The following NRG3 variants were observed in gnomAD, a reference collection of about 807,000 sequenced individuals.
The protein encoded by NRG3 is neuregulin 3, also known as pro-neuregulin-3, membrane-bound isoform.
A neutral mutation model predicts 66.9 loss-of-function variants in NRG3; 31 were observed. The observed-to-expected ratio is 0.46, with a 90% CI of 0.35 to 0.63. The LOEUF (loss-of-function observed/expected upper bound fraction) is 0.63, where lower values mean the gene tolerates loss of function less well. Ranked by LOEUF, NRG3 falls within the 20% of genes least tolerant of loss-of-function variation. The pLI is 0.00. For synonymous variants in NRG3, 393 were observed against 359.4 expected (o/e 1.09, Z -1.06); for missense variants, 910 against 878.9 (o/e 1.04, Z -0.45).
intron 1 of NRG3, among the ~76,000 whole-genome samples, chr10:81,877,496 C>G (rs1196029959): frequency 3.3e-5 from 5 of 152,124 alleles, no homozygotes; most frequent in African/African-American, 9.7e-5. Context: ...ACTGGGTTTG[C>G]TTTCAGTCAT....
At chr10:82,846,091 A>T (rs1430534752) in intron 3 of NRG3, among the ~76,000 whole-genome samples, 1 of 152,134 alleles carries the variant, frequency 6.6e-6, no homozygotes. Context: ...TAGTATTTTC[A>T]TCCTGTTTCA....
At chr10:82,070,077 T>C (rs2064718058) in intron 1 of NRG3, among the ~76,000 whole-genome samples, 1 of 152,162 alleles carries the variant, frequency 6.6e-6, no homozygotes, top group African/African-American at 2.4e-5. Flanking sequence ...TGTCAAGAAA[T>C]ATGTTGGTCA....
chr10:82,149,787 CAT>C (rs1282369655), intron 1 of NRG3, among the ~76,000 whole-genome samples: 1 of 151,098 alleles, frequency 6.6e-6, no homozygotes, highest in Non-Finnish European at 1.5e-5. Flanking sequence ...GTTTTTATGA[CAT>C]GTTTCACACA....
intron 2 of NRG3, among the ~76,000 whole-genome samples, chr10:82,367,558 T>G (rs1354534540): frequency 6.6e-6 from 1 of 152,100 alleles, no homozygotes; most frequent in African/African-American, 2.4e-5. Context: ...AAGATAAATA[T>G]TTTTTAAAGA....
At chr10:82,926,189 G>A (rs1445085963) in intron 4 of NRG3, among the ~76,000 whole-genome samples, 2 of 152,152 alleles carry the variant, frequency 1.3e-5, no homozygotes, top group Admixed American at 6.5e-5. Flanking sequence ...TCAAATCCAC[G>A]CTAATGAAGT....
At chr10:82,229,672 C>G (rs1336528052) in intron 1 of NRG3, among the ~76,000 whole-genome samples, 1 of 152,094 alleles carries the variant, frequency 6.6e-6, no homozygotes, top group Non-Finnish European at 1.5e-5. Flanking sequence ...GGAAAAGCCC[C>G]TTATAAAACC....
At chr10:82,546,932 G>T (rs1322976538) in intron 2 of NRG3, among the ~76,000 whole-genome samples, 2 of 151,954 alleles carry the variant, frequency 1.3e-5, no homozygotes, top group Non-Finnish European at 2.9e-5. Flanking sequence ...TGAAAAATAG[G>T]GGGAAAAAAC....
intron 1 of NRG3, among the ~76,000 whole-genome samples, chr10:82,078,747 T>C (rs1217288831): frequency 6.6e-6 from 1 of 152,214 alleles, no homozygotes; most frequent in Non-Finnish European, 1.5e-5. Context: ...TTTTTTAAAC[T>C]GCGATAGAAG....
intron 1 of NRG3, among the ~76,000 whole-genome samples, chr10:82,224,566 A>G (rs547023711): frequency 1.2e-3 from 186 of 152,168 alleles, no homozygotes; most frequent in Non-Finnish European, 2.0e-3. Context: ...CTTACTAATT[A>G]TTTGGTTGAA....
intron 1 of NRG3, among the ~76,000 whole-genome samples, chr10:81,962,997 C>A (rs972937140): frequency 5.3e-5 from 8 of 152,040 alleles, no homozygotes; most frequent in African/African-American, 1.9e-4. Context: ...ACAGCCTGCT[C>A]AGAGTCAAGG....
At chr10:82,039,653 T>A (rs2062944271) in intron 1 of NRG3, among the ~76,000 whole-genome samples, 1 of 152,152 alleles carries the variant, frequency 6.6e-6, no homozygotes, top group Admixed American at 6.6e-5. Flanking sequence ...CTTTTCCAAA[T>A]GTCCATCAGC....
At chr10:82,864,125 G>A (rs1278238668) in intron 3 of NRG3, among the ~76,000 whole-genome samples, 1 of 152,016 alleles carries the variant, frequency 6.6e-6, no homozygotes. Context: ...TGGATTAGGG[G>A]GCACAGAGTT....
intron 8 of NRG3, among the ~76,000 whole-genome samples, chr10:82,981,737 A>G (rs1230035059): frequency 2.0e-5 from 3 of 152,182 alleles, no homozygotes; most frequent in African/African-American, 7.2e-5. Flanking sequence ...AAACTTTGTC[A>G]TGACTGGATC....
intron 2 of NRG3, among the ~76,000 whole-genome samples, chr10:82,568,857 T>C (rs1368091093): frequency 2.0e-5 from 3 of 151,776 alleles, no homozygotes; most frequent in Non-Finnish European, 2.9e-5. Context: ...ATTTTACCTT[T>C]GGTCTGTCCA....
chr10:82,036,889 G>C (rs10884068), intron 1 of NRG3, among the ~76,000 whole-genome samples: 50,721 of 151,968 alleles, frequency 0.33, 9,336 homozygotes, highest in East Asian at 0.57. Context: ...ACTGTTTAAC[G>C]AACAGGTCTT....
At position 82,255,599 on chromosome 10, in the gene NRG3, A is replaced by G. The variant is rs1467176420; in HGVS notation, c.824-103140A>G. Reference sequence around the variant, plus strand: ...GTAAATCTTTTTTTTTTAAAAAACAAAAAACAAACAAACAAACAAAAAACA... The same window carrying G: ...GTAAATCTTTTTTTTTTAAAAAACAGAAAACAAACAAACAAACAAAAAACA... On this transcript the variant is annotated intron_variant, in intron 1 of 8. Transcript: ENST00000372141. Among the ~76,000 whole-genome samples the G allele has an allele frequency of 2.6e-5, 4 of 152,090 alleles. No homozygotes were observed. The East Asian group carries it at 5.8e-4, about 22-fold the overall frequency.
intron 1 of NRG3, among the ~76,000 whole-genome samples, chr10:82,174,662 C>G (rs142406813): frequency 6.6e-6 from 1 of 152,130 alleles, no homozygotes; most frequent in African/African-American, 2.4e-5. Flanking sequence ...TATATCAGTT[C>G]TCCCCAAATG....
chr10:82,216,441 G>A (rs1166966890), intron 1 of NRG3, among the ~76,000 whole-genome samples: 1 of 147,056 alleles, frequency 6.8e-6, no homozygotes, highest in Non-Finnish European at 1.5e-5. Context: ...GTAGAAATTA[G>A]AAAATACATT....
chr10:81,951,602 C>G (rs887474419), intron 1 of NRG3, among the ~76,000 whole-genome samples: 5 of 152,162 alleles, frequency 3.3e-5, no homozygotes, highest in African/African-American at 1.2e-4. Flanking sequence ...TTGTTGATCT[C>G]TAACCTATTG....
Sources: allele counts gnomAD v4.1 joint callset (sites outside exome capture counted in the v4.1 genomes callset), GRCh38; gene constraint gnomAD v4.1.1; transcripts MANE v1.5; gene names NCBI Gene and HGNC (gene_info 2026-07-23, HGNC 2026-07-21).